Variants in TLL1 observed in about 807,000 individuals in gnomAD.
TLL1 encodes the protein tolloid-like protein 1.
A neutral mutation model predicts 128.2 loss-of-function variants in TLL1; 49 were observed. The observed-to-expected ratio is 0.38, with a 90% CI of 0.30 to 0.48. TLL1 has a LOEUF of 0.48. Ranked by LOEUF, TLL1 falls within the 20% of genes least tolerant of loss-of-function variation. The pLI, the probability that TLL1 is intolerant of heterozygous loss-of-function variation, is 0.96. For synonymous variants in TLL1, 454 were observed against 418.8 expected, an observed-to-expected ratio of 1.08 and a Z score of -1.03; for missense variants, 1,123 against 1,242.0, an observed-to-expected ratio of 0.90 and a Z score of 1.44.
intron 1 of TLL1, among the ~76,000 whole-genome samples, chr4:165,894,704 G>T (rs182339897): frequency 6.6e-6 from 1 of 152,240 alleles, no homozygotes; most frequent in East Asian, 1.9e-4. Flanking sequence ...TAGGGAAAAA[G>T]CATTCAGTCT....
chr4:165,902,085 C>T (rs1330642274), intron 1 of TLL1, among the ~76,000 whole-genome samples: 5 of 152,068 alleles, frequency 3.3e-5, no homozygotes, highest in South Asian at 2.1e-4. Flanking sequence ...ATGGTGGATG[C>T]CCCTCCCCCC....
At chr4:165,911,362 G>A (rs570112205) in intron 1 of TLL1, among the ~76,000 whole-genome samples, 2 of 152,246 alleles carry the variant, frequency 1.3e-5, no homozygotes, top group African/African-American at 4.8e-5. Flanking sequence ...TGCTGCAAAT[G>A]ATGTGATTTC....
At chr4:166,042,196 G>A in intron 11 of TLL1, 53 bp downstream of exon 11, 1 of 1,198,000 alleles carries the variant, frequency 8.3e-7, no homozygotes, top group Non-Finnish European at 1.2e-6. Flanking sequence ...CAACAGAAAT[G>A]TTCGTTTCTT....
At chr4:165,959,955 C>A (rs1735014452) in intron 1 of TLL1, among the ~76,000 whole-genome samples, 1 of 151,824 alleles carries the variant, frequency 6.6e-6, no homozygotes, top group East Asian at 1.9e-4. Flanking sequence ...ACAAACTAAC[C>A]CGAAAGGTAA....
At chr4:166,057,147 A>G (rs765266995) in intron 13 of TLL1, 37 bp from the exon 14 acceptor site, 4 of 1,611,950 alleles carry the variant, frequency 2.5e-6, no homozygotes, top group South Asian at 2.2e-5. Context: ...ACACATATAT[A>G]TGTATAGTTG....
At chr4:166,003,809 ATTT>A (rs1737276119) in intron 6 of TLL1, among the ~76,000 whole-genome samples, 1 of 151,892 alleles carries the variant, frequency 6.6e-6, no homozygotes, top group African/African-American at 2.4e-5. Context: ...TAGCTGTTTT[ATTT>A]CTAAACTTTG....
intron 18 of TLL1, among the ~76,000 whole-genome samples, chr4:166,081,673 G>A (rs1741287953): frequency 6.6e-6 from 1 of 151,946 alleles, no homozygotes; most frequent in South Asian, 2.1e-4. Flanking sequence ...TCCTTGGAAG[G>A]ACCTGACATT....
At chr4:166,012,935 A>G (rs1285088369) in intron 7 of TLL1, among the ~76,000 whole-genome samples, 2 of 151,770 alleles carry the variant, frequency 1.3e-5, no homozygotes, top group Non-Finnish European at 2.9e-5. Flanking sequence ...AAAATTGCTC[A>G]TAGATCATAT....
Position 166,083,579 on chromosome 4 carries a change from A to T in TLL1, c.2442+5549A>T, listed in dbSNP as rs538166528. 7.3e-5 allele frequency among the ~76,000 whole-genome samples: 9 copies of T among 123,078 alleles called. 4 individuals are homozygous for T. In the South Asian group the frequency reaches 2.5e-3, roughly 34 times the overall value. The allele number at this position is 123,078 out of a possible 152,430, so 80.7% of individuals were successfully genotyped here. On this transcript the variant is annotated intron_variant, in intron 18 of 20. Transcript: ENST00000061240. ...CCCTAGCCTTTGGTCAACACCATTC[A>T]ACTCTCTGCTTCTTTAAGTTTGATC...
At chr4:166,009,398 C>T (rs892722523) in intron 7 of TLL1, among the ~76,000 whole-genome samples, 1 of 151,442 alleles carries the variant, frequency 6.6e-6, no homozygotes, top group South Asian at 2.1e-4. Context: ...TCTTTTTGTC[C>T]TTCACAGATG....
chr4:166,002,340 T>A (rs911477101), intron 5 of TLL1, among the ~76,000 whole-genome samples: 3 of 152,188 alleles, frequency 2.0e-5, no homozygotes, highest in African/African-American at 7.2e-5. Context: ...GGTTTCAACA[T>A]GTGAATTTTG....
At position 166,051,954 on chromosome 4, in the gene TLL1, C is replaced by G. The variant is rs143855324; in HGVS notation, c.1525-3122C>G. ...TATTTTTACCTGTGAAATATTTACT[C>G]TTTGTGTATCATATAAAATATTTAA... On this transcript the variant is annotated intron_variant, in intron 12 of 20. Coordinates refer to ENST00000061240, the MANE Select transcript of TLL1 (RefSeq NM_012464.5). 7.5e-3 allele frequency among the ~76,000 whole-genome samples: 1,142 copies of G among 152,120 alleles called. 14 individuals are homozygous for G. Among genetic ancestry groups the G allele is most frequent in the African/African-American group, 0.026 (1,096 of 41,502 alleles).
At chr4:165,950,791 T>C (rs1399433351) in intron 1 of TLL1, among the ~76,000 whole-genome samples, 1 of 152,038 alleles carries the variant, frequency 6.6e-6, no homozygotes, top group Non-Finnish European at 1.5e-5. Context: ...ATTTATAGCA[T>C]TAAATGCTTA....
rs1275126279 is a variant in TLL1, at chr4:166,039,435, C to G, written c.1255C>G (p.Leu419Val). The change falls in exon 10 of 21, where the codon CTC becomes GTC. Residue 419 changes from leucine (L) to valine (V), a missense_variant. Around this residue, in one of 3 missense-constraint regions of TLL1, gnomAD observed 480 missense variants for 542.4 expected, o/e 0.89. Coordinates refer to ENST00000061240, the MANE Select transcript of TLL1 (RefSeq NM_012464.5). ...VRDGYWRKSP[L>V]LGRFCGDKLP... ...AGACGGGTACTGGAGAAAATCACCT[C>G]TCCTTGGTAAGATATCCTTTCCCTT... 2 of 1,609,866 alleles carry G rather than the reference C, an allele frequency of 1.2e-6. No homozygotes were observed. The highest frequency in any genetic ancestry group is 1.7e-6 in the Non-Finnish European group (2 of 1,176,428).
In TLL1 at chr4:165,949,173, G is replaced by A. The variant is rs115789150; in HGVS notation, c.170-40208G>A. On this transcript the variant is annotated intron_variant, in intron 1 of 20. Transcript: ENST00000061240. ...GAGAAAGACCCAACCCACTGTTACCGGAGGGCAAGGTGAGGAGAAATGCAG... is the reference window on the plus strand; with the variant it reads ...GAGAAAGACCCAACCCACTGTTACCAGAGGGCAAGGTGAGGAGAAATGCAG... Among the ~76,000 whole-genome samples, 724 of 152,198 alleles carry A rather than the reference G, an allele frequency of 4.8e-3. 4 individuals are homozygous for A. The highest frequency in any genetic ancestry group is 0.017 in the African/African-American group (700 of 41,518).
chr4:165,909,807 GAAGT>G (rs1405047501), intron 1 of TLL1, among the ~76,000 whole-genome samples: 5 of 152,136 alleles, frequency 3.3e-5, no homozygotes, highest in East Asian at 1.9e-4. Context: ...AGCAGAGTGA[GAAGT>G]AAGTAACAGG....
At chr4:166,056,196 A>T (rs1448847007) in intron 13 of TLL1, among the ~76,000 whole-genome samples, 1 of 152,014 alleles carries the variant, frequency 6.6e-6, no homozygotes, top group Non-Finnish European at 1.5e-5. Context: ...TCTGTATGTG[A>T]TATATTTCAT....
intron 1 of TLL1, among the ~76,000 whole-genome samples, chr4:165,922,911 T>C (rs1733098222): frequency 6.6e-6 from 1 of 152,180 alleles, no homozygotes; most frequent in South Asian, 2.1e-4. Context: ...TTCCTTGAGA[T>C]TTCTTTGTTT....
intron 19 of TLL1, among the ~76,000 whole-genome samples, chr4:166,097,464 C>T (rs571474903): frequency 6.6e-6 from 1 of 152,116 alleles, no homozygotes; most frequent in East Asian, 1.9e-4. Context: ...TAACACAGCC[C>T]AATGGGGAAG....
Sources: allele counts gnomAD v4.1 joint callset (sites outside exome capture counted in the v4.1 genomes callset), GRCh38; gene constraint gnomAD v4.1.1; regional missense constraint gnomAD v4.1.1; transcripts MANE v1.5; gene names NCBI Gene and HGNC (gene_info 2026-07-23, HGNC 2026-07-21).